SETDB2: variants seen among roughly 807,000 people sequenced by gnomAD.
The protein encoded by SETDB2 is SET domain bifurcated histone lysine methyltransferase 2, also known as histone-lysine N-methyltransferase SETDB2.
In SETDB2, 56 loss-of-function variants were observed where a neutral mutation model predicts 82.5. That is an observed-to-expected ratio of 0.68 (90% confidence interval 0.55 to 0.85). The LOEUF is 0.85. Ranked by LOEUF, SETDB2 falls within the 40% of genes least tolerant of loss-of-function variation. The pLI is 0.00. For missense variants in SETDB2, 677 were observed against 816.4 expected (o/e 0.83, Z 2.08); for synonymous variants, 272 against 284.9 (o/e 0.95, Z 0.46).
Position 49,476,561 on chromosome 13 carries a change from C to G in SETDB2, c.391C>G (p.Gln131Glu), listed in dbSNP as rs1958367962. 1 of 1,613,944 alleles carries G rather than the reference C, an allele frequency of 6.2e-7. No homozygotes were observed. Among genetic ancestry groups the G allele is most frequent in the Non-Finnish European group, 8.5e-7 (1 of 1,179,934 alleles). ...AGACTCATCTTCGAATTTATCTTAC[C>G]AAAGTCATGACTGCTCTGGTGCTTG... ...EKDSSSNLSY[Q>E]SHDCSGACLM... The change falls in exon 6 of 14, where the codon CAA becomes GAA. Residue 131 changes from glutamine (Q) to glutamate (E), a missense_variant. Gln to Glu is a conservative substitution (Grantham distance 29). This residue lies in a region of SETDB2 where 243 missense variants were observed against 237.2 expected (regional missense o/e 1.02). Coordinates refer to ENST00000611815, the MANE Select transcript of SETDB2 (RefSeq NM_001160308.3).
At chr13:49,486,647 A>G (rs551988453) in intron 11 of SETDB2, among the ~76,000 whole-genome samples, 14 of 152,204 alleles carry the variant, frequency 9.2e-5, no homozygotes, top group East Asian at 1.9e-4. Flanking sequence ...CTTTCCTGCA[A>G]TTGCCTAGCC....
chr13:49,485,869 G>C (rs780583651), intron 11 of SETDB2, 146 bp downstream of exon 11: 10 of 821,908 alleles, frequency 1.2e-5, no homozygotes, highest in Non-Finnish European at 2.2e-5. Context: ...TAAGAGATCA[G>C]CAAAATATCG....
rs780803237 is a variant in SETDB2 at position 49,488,502 on chromosome 13, G to A, written c.1789G>A (p.Val597Ile). 1 of 1,614,100 alleles carries A rather than the reference G, an allele frequency of 6.2e-7. No individual in the cohort carries two copies. Among genetic ancestry groups the A allele is most frequent in the South Asian group, 1.1e-5 (1 of 91,056 alleles). Residue 597 changes from valine to isoleucine, a missense_variant, in exon 12 of 14, where the codon GTA becomes ATA. Around this residue, in one of 3 missense-constraint regions of SETDB2, gnomAD observed 420 missense variants for 554.6 expected, o/e 0.76. Coordinates refer to ENST00000611815, the MANE Select transcript of SETDB2 (RefSeq NM_001160308.3). ...GRSTACQRQQ[V>I]FCDEELLSET... ...ATCTACAGCATGTCAAAGACAGCAG[G>A]TATTTTGTGATGAAGAGTTGCTAAG...
intron 2 of SETDB2, among the ~76,000 whole-genome samples, chr13:49,458,989 G>T (rs1433000773): frequency 6.6e-6 from 1 of 152,242 alleles, no homozygotes; most frequent in Non-Finnish European, 1.5e-5. Flanking sequence ...TTAAGCACCA[G>T]TTCTCATCCA....
At chr13:49,455,781 AAAAC>A (rs1957870797) in intron 2 of SETDB2, among the ~76,000 whole-genome samples, 1 of 150,446 alleles carries the variant, frequency 6.6e-6, no homozygotes, top group African/African-American at 2.5e-5. Flanking sequence ...CATTTAAAAA[AAAAC>A]AAAAAAAAAC....
In SETDB2 at chr13:49,444,448, G is replaced by A. The variant is rs759181939; in HGVS notation, c.-751G>A. 5.5e-6 allele frequency: 1 copy of A among 180,394 alleles called. No homozygotes were observed. Among genetic ancestry groups the A allele is most frequent in the Non-Finnish European group, 1.2e-5 (1 of 82,568 alleles). 11.2% of individuals were successfully genotyped at this position (180,394 alleles called of 1,614,324 possible). A position where few individuals can be genotyped will look rare whatever the true frequency, so the allele number is the denominator to read the frequency against. On this transcript the variant is annotated 5_prime_UTR_variant, in exon 1 of 14. Coordinates refer to ENST00000611815, the MANE Select transcript of SETDB2 (RefSeq NM_001160308.3). ...CGCGGAGGAACCCAGCCTTGCCAACGGAGCTGGCGGAGCTCACTCCTCAGG... is the reference window on the plus strand; with the variant it reads ...CGCGGAGGAACCCAGCCTTGCCAACAGAGCTGGCGGAGCTCACTCCTCAGG...
At chr13:49,488,095 C>A in intron 11 of SETDB2, 195 bp from the exon 12 acceptor site, 1 of 398,164 alleles carries the variant, frequency 2.5e-6, no homozygotes, top group Non-Finnish European at 3.4e-6. Context: ...TACCCCAGTT[C>A]TCGTTATTGT....
intron 5 of SETDB2, among the ~76,000 whole-genome samples, chr13:49,470,900 A>G (rs1012414930): frequency 6.6e-6 from 1 of 151,928 alleles, no homozygotes; most frequent in Non-Finnish European, 1.5e-5. Flanking sequence ...TCTTGGGTCT[A>G]ATAGGACACA....
intron 1 of SETDB2, among the ~76,000 whole-genome samples, chr13:49,447,897 T>A (rs1000418113): frequency 2.6e-5 from 4 of 152,094 alleles, no homozygotes; most frequent in African/African-American, 9.7e-5. Flanking sequence ...CAGAACAGTT[T>A]GTATATGATA....
chr13:49,468,515 A>T (rs959210181), intron 5 of SETDB2, among the ~76,000 whole-genome samples: 1 of 151,638 alleles, frequency 6.6e-6, no homozygotes, highest in African/African-American at 2.4e-5. Flanking sequence ...CCTGGGCCTA[A>T]CCCTTCAAGT....
intron 6 of SETDB2, among the ~76,000 whole-genome samples, chr13:49,477,282 A>T (rs1417946894): frequency 1.3e-5 from 2 of 152,116 alleles, no homozygotes; most frequent in Non-Finnish European, 2.9e-5. Context: ...CAAAAAATTT[A>T]AAAATTAGCT....
In SETDB2 at chr13:49,472,144, C is replaced by T. The variant is rs570189118; in HGVS notation, c.305+4184C>T. On this transcript the variant is annotated intron_variant, in intron 5 of 13. Transcript: ENST00000611815. The stretch of plus-strand genomic sequence containing the variant: ...AGCCCAGTATGTATACAAGACCCAA[C>T]ATCTTTGAGTACACTGAAATTAATA... Among the ~76,000 whole-genome samples the T allele has an allele frequency of 4.6e-5, 7 of 151,940 alleles. No homozygotes were observed. In the East Asian group the frequency reaches 1.4e-3, roughly 29 times the overall value.
At position 49,460,227 on chromosome 13, in the gene SETDB2, A is replaced by T; in HGVS notation, c.137A>T (p.Asn46Ile). ...KQKIKDGSAT[N>I]KEYIQAMILV... ...AAGATCAAAGATGGGTCTGCCACCA[A>T]TAAAGGTATGAAGCAATAAAAACTT... Residue 46 changes from asparagine (N) to isoleucine (I), a missense_variant, in exon 3 of 14, where the codon AAT becomes ATT. Coordinates refer to ENST00000611815, the MANE Select transcript of SETDB2 (RefSeq NM_001160308.3). The T allele has an allele frequency of 6.2e-7, 1 of 1,612,494 alleles. No individual in the cohort carries two copies. Among genetic ancestry groups the T allele is most frequent in the Non-Finnish European group, 8.5e-7 (1 of 1,179,406 alleles).
chr13:49,494,320 C>G lies in SETDB2; in HGVS notation c.*2471C>G, dbSNP rs1418062638. ...ATGTATATGCACACACGTATACATA[C>G]ACATACAGGCATGCATCTCTGTATT... On this transcript the variant is annotated 3_prime_UTR_variant, in exon 14 of 14. Transcript: ENST00000611815. 6.6e-6 allele frequency: 1 copy of G among 152,146 alleles called. No homozygotes were observed. Among genetic ancestry groups the G allele is most frequent in the Non-Finnish European group, 1.5e-5 (1 of 68,030 alleles). 9.4% of individuals were successfully genotyped at this position (152,146 alleles called of 1,614,324 possible).
At chr13:49,456,975 C>T (rs1038273504) in intron 2 of SETDB2, among the ~76,000 whole-genome samples, 1 of 152,152 alleles carries the variant, frequency 6.6e-6, no homozygotes, top group Non-Finnish European at 1.5e-5. Context: ...TAAGGAACAA[C>T]ATATTTATTT....
chr13:49,467,726 A>G, intron 4 of SETDB2, 138 bp from the exon 5 acceptor site: 2 of 471,820 alleles, frequency 4.2e-6, no homozygotes, highest in Non-Finnish European at 7.3e-6. Context: ...TTTTGCCTCA[A>G]TCTTGAAACC....
At chr13:49,466,324 A>G (rs1026752027) in intron 4 of SETDB2, among the ~76,000 whole-genome samples, 3 of 151,698 alleles carry the variant, frequency 2.0e-5, no homozygotes, top group African/African-American at 7.3e-5. Context: ...AGTTCTAGCT[A>G]CTCTGGAGGC....
chr13:49,481,800 G>A (rs1407633091), intron 8 of SETDB2, among the ~76,000 whole-genome samples: 1 of 150,300 alleles, frequency 6.7e-6, no homozygotes, highest in Non-Finnish European at 1.5e-5. Context: ...TGGGAAACAC[G>A]GCTTTAGAGC....
intron 1 of SETDB2, among the ~76,000 whole-genome samples, chr13:49,445,191 G>A (rs1049184154): frequency 2.6e-5 from 4 of 152,142 alleles, no homozygotes; most frequent in Non-Finnish European, 2.9e-5. Context: ...CAGCAAACGA[G>A]CTGCTAATTT....
Sources: gnomAD v4.1 joint callset for allele counts (sites outside exome capture counted in the v4.1 genomes callset) on GRCh38, gnomAD v4.1.1 for gene constraint, gnomAD v4.1.1 regional missense constraint, MANE v1.5 for transcripts, NCBI Gene and HGNC (gene_info 2026-07-23, HGNC 2026-07-21) for gene names.